Variants in DDX54 observed in about 807,000 individuals in gnomAD.
DDX54 encodes ATP-dependent RNA helicase DDX54.
A neutral mutation model predicts 105.5 loss-of-function variants in DDX54; 67 were observed. That is an observed-to-expected ratio of 0.64 (90% CI 0.52 to 0.78). DDX54 has a LOEUF of 0.78. Ranked by LOEUF, DDX54 falls within the 30% of genes least tolerant of loss-of-function variation. The pLI is 0.00. For missense variants in DDX54, 1,206 were observed against 1,230.5 expected (o/e 0.98, Z 0.30); for synonymous variants, 514 against 509.9 (o/e 1.01, Z -0.11).
intron 17 of DDX54, among the ~76,000 whole-genome samples, chr12:113,162,310 C>T (rs905075036): frequency 6.6e-6 from 1 of 152,136 alleles, no homozygotes; most frequent in Non-Finnish European, 1.5e-5. Flanking sequence ...CAGCTGTGAC[C>T]CTGGGTTGAG....
intron 10 of DDX54, among the ~76,000 whole-genome samples, chr12:113,173,927 A>G (rs1402893612): frequency 1.3e-5 from 2 of 152,206 alleles, no homozygotes; most frequent in African/African-American, 4.8e-5. Flanking sequence ...TTACACCTGT[A>G]ATCCCAGCAC....
In DDX54 at chr12:113,163,245, C is replaced by A. The variant is rs1952232586; in HGVS notation, c.1968G>T (p.Lys656Asn). ...EDIFSEVVGR[K>N]RQRSGPNRGA... ...CCCTGTTGGGTCCTGACCGCTGCCG[C>A]TTCCGGCCCACGACCTCTGAGAAAA... The change falls in exon 16 of 20, where the codon AAG (lysine) becomes AAT (asparagine). Residue 656 changes from lysine to asparagine, a missense_variant. Lys to Asn is a moderately conservative substitution (Grantham distance 94, BLOSUM62 0). Transcript: ENST00000306014. The surrounding 1 kb of genome is among the most constrained non-coding windows in gnomAD (Gnocchi z 5.9). The A allele has an allele frequency of 6.2e-6, 10 of 1,610,630 alleles. No homozygotes were observed. The highest frequency in any genetic ancestry group is 8.5e-6 in the Non-Finnish European group (10 of 1,179,968).
At chr12:113,169,677 G>A in intron 12 of DDX54, 93 bp downstream of exon 12, 1 of 1,402,232 alleles carries the variant, frequency 7.1e-7, no homozygotes. Context: ...ATCATCTTCT[G>A]CTGGGGTCAA....
chr12:113,178,995 A>G lies in DDX54; in HGVS notation c.596T>C (p.Leu199Pro), dbSNP rs754809252. The G allele has an allele frequency of 3.7e-6, 6 of 1,614,116 alleles. No homozygotes were observed. In the Admixed American group the frequency reaches 6.7e-5, roughly 18 times the overall value. ...ACCTTACCTGTCTCCACCCAGGATC[A>G]GGGCAGTCTTGAGGCCAGTGAACTT... ...LGKFTGLKTA[L>P]ILGGDRMEDQ... Residue 199 changes from leucine (L) to proline (P), a missense_variant, in exon 5 of 20, where the codon CTG becomes CCG. By Grantham distance (98) the Leu-to-Pro change is moderately conservative. Around this residue, in one of 3 missense-constraint regions of DDX54, gnomAD observed 961 missense variants for 1,019.1 expected, o/e 0.94. Transcript: ENST00000306014.
rs2136310208 is a variant in DDX54 at position 113,158,361 on chromosome 12, C to T, written c.*516G>A. 1 of 153,720 alleles carries T rather than the reference C, an allele frequency of 6.5e-6. No individual in the cohort carries two copies. Among genetic ancestry groups the T allele is most frequent in the East Asian group, 1.9e-4 (1 of 5,204 alleles). The allele number at this position is 153,720 out of a possible 1,614,324, so 9.5% of individuals were successfully genotyped here. ...TTTGTGCTCTGAGCTTCACTTTCCT[C>T]ATCGCTAAATGGACAAGGCAGCAGA... is the stretch of plus-strand genomic sequence containing the variant. On this transcript the variant is annotated 3_prime_UTR_variant, in exon 20 of 20. Transcript: ENST00000306014. This position sits in a 1 kb window ranked among gnomAD's most constrained non-coding sequence, Gnocchi z 4.9.
At chr12:113,184,697 A>G (rs1209249582) in intron 1 of DDX54, among the ~76,000 whole-genome samples, 1 of 152,116 alleles carries the variant, frequency 6.6e-6, no homozygotes, top group Non-Finnish European at 1.5e-5. Flanking sequence ...GTGGTGGCGC[A>G]TGTCTGTGGT....
In DDX54 at chr12:113,175,037, A is replaced by G. The variant is rs200720909; in HGVS notation, c.873T>C (p.Ala291=). 4 of 1,541,258 alleles carry G rather than the reference A, an allele frequency of 2.6e-6. No individual in the cohort carries two copies. The highest frequency in any genetic ancestry group is 3.5e-6 in the Non-Finnish European group (4 of 1,137,914). ...CATCTCCACCCCCAGCTCACGCACC[A>G]GCCCGGGCAAATTCCACCAGCAGTT... ...LPKLLVEFAR[A]GLTEPVLIRL... The change falls in exon 8 of 20, where the codon GCT becomes GCC. Residue 291 remains alanine (A), a splice_region_variant and synonymous_variant. Transcript: ENST00000306014.
At chr12:113,160,783 G>A (rs1293675367) in intron 19 of DDX54, among the ~76,000 whole-genome samples, 1 of 152,180 alleles carries the variant, frequency 6.6e-6, no homozygotes, top group African/African-American at 2.4e-5. Context: ...TAAAAAGAAC[G>A]TCACTCCTAA....
intron 14 of DDX54, 37 bp from the exon 15 acceptor site, chr12:113,164,322 T>C (rs1952248408): frequency 3.2e-6 from 5 of 1,539,422 alleles, no homozygotes; most frequent in Non-Finnish European, 4.4e-6. Context: ...CCCACTGGCC[T>C]CCTACTCCTA....
chr12:113,160,688 C>T (rs1952192522), intron 19 of DDX54, among the ~76,000 whole-genome samples: 1 of 152,212 alleles, frequency 6.6e-6, no homozygotes, highest in Admixed American at 6.5e-5. Context: ...GTATCTTCCT[C>T]AACATCCCCT....
rs781756136 is a variant in DDX54, at chr12:113,175,115, G to A, written c.795C>T (p.Ile265=). Residue 265 remains isoleucine (I), a synonymous_variant, in exon 8 of 20, where the codon ATC becomes ATT. Coordinates refer to ENST00000306014, the MANE Select transcript of DDX54 (RefSeq NM_024072.4). ...MGFAEQLQEI[I]ARLPGGHQTV... ...TCTGGTGGCCCCCGGGGAGGCGGGCGATGATCTCCTGCAGCTGCTCTGCGA... is the reference window on the plus strand; with the variant it reads ...TCTGGTGGCCCCCGGGGAGGCGGGCAATGATCTCCTGCAGCTGCTCTGCGA... 1.2e-6 allele frequency: 2 copies of A among 1,613,562 alleles called. No individual in the cohort carries two copies. The highest frequency in any genetic ancestry group is 1.7e-6 in the Non-Finnish European group (2 of 1,179,952).
Position 113,163,034 on chromosome 12 carries a change from C to A in DDX54, c.2093G>T (p.Ser698Ile). ...CTGCTCAAAGGCTCCCCCTTCCCCG[C>A]TGATGCTCAGGCTGCAGAGGGAGAG... ...DFDSERGLSI[S>I]GEGGAFEQQA... Residue 698 changes from serine (S) to isoleucine (I), a missense_variant, in exon 17 of 20, where the codon AGC becomes ATC. Coordinates refer to ENST00000306014, the MANE Select transcript of DDX54 (RefSeq NM_024072.4). This position sits in a 1 kb window ranked among gnomAD's most constrained non-coding sequence, Gnocchi z 5.9. 1 of 1,609,222 alleles carries A rather than the reference C, an allele frequency of 6.2e-7. No individual in the cohort carries two copies. The highest frequency in any genetic ancestry group is 8.5e-7 in the Non-Finnish European group (1 of 1,179,216).
At chr12:113,173,037 G>T (rs890844609) in intron 10 of DDX54, among the ~76,000 whole-genome samples, 1 of 152,148 alleles carries the variant, frequency 6.6e-6, no homozygotes, top group African/African-American at 2.4e-5. Context: ...AGTGCTAGCT[G>T]TTCTTTACAG....
intron 12 of DDX54, chr12:113,167,844 T>G (rs766645454): frequency 2.3e-6 from 1 of 430,166 alleles, no homozygotes; most frequent in South Asian, 1.7e-5. Context: ...CTGTAGAGCC[T>G]GTACGGGGCT....
chr12:113,177,181 C>A, intron 5 of DDX54, 88 bp from the exon 6 acceptor site: 1 of 1,491,652 alleles, frequency 6.7e-7, no homozygotes, highest in South Asian at 1.2e-5. Context: ...GGCTGCACAC[C>A]CCATCCCCAG....
chr12:113,168,615 C>T (rs979002429), intron 12 of DDX54, among the ~76,000 whole-genome samples: 1 of 152,230 alleles, frequency 6.6e-6, no homozygotes, highest in African/African-American at 2.4e-5. Context: ...CATGCATTCC[C>T]ATTCTAGGAT....
intron 11 of DDX54, 22 bp from the exon 12 acceptor site, chr12:113,169,926 G>A: frequency 6.2e-7 from 1 of 1,613,376 alleles, no homozygotes; most frequent in Non-Finnish European, 8.5e-7. Context: ...AGACGTTCAA[G>A]CTTAATTAAG....
intron 2 of DDX54, among the ~76,000 whole-genome samples, 185 bp downstream of exon 2, chr12:113,180,744 C>A (rs773945501): frequency 1.3e-5 from 2 of 152,226 alleles, no homozygotes; most frequent in Non-Finnish European, 2.9e-5. Flanking sequence ...GTTCTAACTG[C>A]CCTCTCCTGT....
rs1347053767 is a variant in DDX54 at position 113,172,428 on chromosome 12, G to T, written c.1204C>A (p.Leu402Met). 6.2e-7 allele frequency: 1 copy of T among 1,614,238 alleles called. No individual in the cohort carries two copies. Among genetic ancestry groups the T allele is most frequent in the Non-Finnish European group, 8.5e-7 (1 of 1,180,036 alleles). The change falls in exon 11 of 20, where the codon CTG (leucine) becomes ATG (methionine). Residue 402 changes from leucine (L) to methionine (M), a missense_variant. By Grantham distance (15) the Leu-to-Met change is conservative (BLOSUM62 2). This residue lies in a region of DDX54 where 961 missense variants were observed against 1,019.1 expected (regional missense o/e 0.94). Transcript: ENST00000306014. ...LIVTDLAARG[L>M]DIPLLDNVIN... The stretch of plus-strand genomic sequence containing the variant: ...ACATTGTCCAGCAGCGGGATGTCCA[G>T]GCCTCGGGCGGCCAGGTCAGTCACA...
Sources: allele counts gnomAD v4.1 joint callset (sites outside exome capture counted in the v4.1 genomes callset), GRCh38; gene constraint gnomAD v4.1.1; regional missense constraint gnomAD v4.1.1; non-coding constraint Gnocchi (gnomAD v3.1); transcripts MANE v1.5; gene names NCBI Gene and HGNC (gene_info 2026-07-23, HGNC 2026-07-21).